Variants in RERE observed in about 807,000 individuals in gnomAD.
The protein encoded by RERE is arginine-glutamic acid dipeptide repeats protein.
A neutral mutation model predicts 146.1 loss-of-function variants in RERE; 40 were observed. The ratio of observed to expected loss-of-function variants is 0.27; its 90% confidence interval spans 0.21 to 0.36. The LOEUF (loss-of-function observed/expected upper bound fraction) is 0.36, where lower values mean the gene tolerates loss of function less well. RERE is among the 10% of genes least tolerant of loss of function. The probability of loss-of-function intolerance (pLI) is 1.00; values close to 1 mark genes in which losing one functional copy is unlikely to be tolerated. For missense variants in RERE, 1,933 were observed against 2,138.7 expected (o/e 0.90, Z 1.90); for synonymous variants, 1,003 against 866.0 (o/e 1.16, Z -2.78).
chr1:8,473,934 C>T (rs966633784), intron 10 of RERE, among the ~76,000 whole-genome samples: 1 of 152,218 alleles, frequency 6.6e-6, no homozygotes, highest in African/African-American at 2.4e-5. Flanking sequence ...ATAGAGCCAA[C>T]AATGCCGGTA....
chr1:8,558,681 A>G (rs1258045396), intron 4 of RERE, among the ~76,000 whole-genome samples: 2 of 152,220 alleles, frequency 1.3e-5, no homozygotes. Context: ...GAAGGTTCCA[A>G]AAAACCTTTG....
intron 10 of RERE, among the ~76,000 whole-genome samples, chr1:8,478,097 CCAATCTAATAACAGGTCT>C (rs1644778192): frequency 1.3e-5 from 2 of 152,184 alleles, no homozygotes; most frequent in Admixed American, 1.3e-4. Flanking sequence ...TCTAGCTTTC[CCAATCTAATAACAGGTCT>C]CAAAAGAAAA....
intron 12 of RERE, among the ~76,000 whole-genome samples, chr1:8,396,680 A>G (rs1482230967): frequency 6.6e-6 from 1 of 152,270 alleles, no homozygotes; most frequent in African/African-American, 2.4e-5. Context: ...TAAAATTCAC[A>G]TAACATAAAA....
chr1:8,734,523 G>A (rs1053550863), intron 1 of RERE, among the ~76,000 whole-genome samples: 2 of 152,178 alleles, frequency 1.3e-5, no homozygotes, highest in African/African-American at 4.8e-5. Flanking sequence ...TCATGAGGCA[G>A]CACAAGGGGT....
chr1:8,464,412 G>A (rs955355964), intron 11 of RERE, among the ~76,000 whole-genome samples: 2 of 152,090 alleles, frequency 1.3e-5, no homozygotes, highest in African/African-American at 2.4e-5. Flanking sequence ...ACACCACCCA[G>A]CCACCAGTCC....
chr1:8,448,181 T>C (rs1011691204), intron 11 of RERE, among the ~76,000 whole-genome samples: 1 of 152,142 alleles, frequency 6.6e-6, no homozygotes, highest in Non-Finnish European at 1.5e-5. Context: ...ATTTAATAAA[T>C]GTTTCTTCGA....
intron 11 of RERE, chr1:8,425,162 A>G (rs1643992706): frequency 6.6e-6 from 1 of 152,228 alleles, no homozygotes; most frequent in Admixed American, 6.5e-5. Context: ...TGAGGACCTC[A>G]ACTACTGGCA....
At chr1:8,795,976 C>G (rs1641462948) in intron 1 of RERE, among the ~76,000 whole-genome samples, 1 of 135,794 alleles carries the variant, frequency 7.4e-6, no homozygotes, top group Admixed American at 7.6e-5. Context: ...GAACGAAACT[C>G]CGTCTCAAAA....
chr1:8,449,827 C>G (rs967134287), intron 11 of RERE, among the ~76,000 whole-genome samples: 3 of 152,150 alleles, frequency 2.0e-5, no homozygotes, highest in Non-Finnish European at 4.4e-5. Context: ...AAATATAGAT[C>G]ACTCTTGACT....
In RERE at chr1:8,633,454, GACAC is replaced by G. The variant is rs375248484; in HGVS notation, c.326-9078_326-9075del. 3.5e-4 allele frequency among the ~76,000 whole-genome samples: 53 copies of G among 150,580 alleles called. No individual in the cohort carries two copies. The East Asian group carries it at 5.7e-3, about 16-fold the overall frequency. On this transcript the variant is annotated intron_variant, in intron 2 of 22. Coordinates refer to ENST00000400908, the MANE Select transcript of RERE (RefSeq NM_001042681.2). ...ACGCACGTGCGCACGCACACACACA[GACAC>G]ACACACACACACACACACAAAAATG...
At chr1:8,408,448 T>C (rs1643515337) in intron 12 of RERE, among the ~76,000 whole-genome samples, 1 of 151,952 alleles carries the variant, frequency 6.6e-6, no homozygotes, top group South Asian at 2.1e-4. Context: ...CAACCAAAAT[T>C]TGTAAGAGGT....
At position 8,784,605 on chromosome 1, in the gene RERE, TCA is replaced by T. The variant is rs1410707416; in HGVS notation, c.-145+32553_-145+32554del. On this transcript the variant is annotated intron_variant, in intron 1 of 22. Coordinates refer to ENST00000400908, the MANE Select transcript of RERE (RefSeq NM_001042681.2). ...ATATGTCTTTTTCTGGAAACAGAAT[TCA>T]CAGTTTTTATCAGATTAATGAAGTG... Among the ~76,000 whole-genome samples the T allele has an allele frequency of 2.6e-5, 4 of 152,286 alleles. No individual in the cohort carries two copies. In the South Asian group the frequency reaches 6.2e-4, roughly 24 times the overall value.
At chr1:8,456,310 T>C (rs1644452652) in intron 11 of RERE, among the ~76,000 whole-genome samples, 1 of 152,220 alleles carries the variant, frequency 6.6e-6, no homozygotes, top group Non-Finnish European at 1.5e-5. Context: ...GAGTAATGAC[T>C]GCTCCAAGAT....
Position 8,360,348 on chromosome 1 carries a change from G to C in RERE, c.3159C>G (p.Pro1053=). Reference sequence around the variant, plus strand: ...GTCCCGCCGGTGGGGTAGAGGTGGAGGGGCAGGTCGGAGGGGTGATGGGAG... The same window carrying C: ...GTCCCGCCGGTGGGGTAGAGGTGGACGGGCAGGTCGGAGGGGTGATGGGAG... ...GPPPITPPTC[P]STSTPPAGPG... Residue 1053 remains proline, a synonymous_variant, in exon 18 of 23, where the codon CCC becomes CCG. Coordinates refer to ENST00000400908, the MANE Select transcript of RERE (RefSeq NM_001042681.2). 6.7e-7 allele frequency: 1 copy of C among 1,500,878 alleles called. No homozygotes were observed. Among genetic ancestry groups the C allele is most frequent in the South Asian group, 1.3e-5 (1 of 77,426 alleles). 93.0% of individuals were successfully genotyped at this position (1,500,878 alleles called of 1,614,324 possible). A position where few individuals can be genotyped will look rare whatever the true frequency, so the allele number is the denominator to read the frequency against.
chr1:8,562,065 A>C (rs1646085208), intron 4 of RERE, among the ~76,000 whole-genome samples: 1 of 152,232 alleles, frequency 6.6e-6, no homozygotes, highest in Non-Finnish European at 1.5e-5. Flanking sequence ...TGTGAGGATT[A>C]AATAAATTAA....
At chr1:8,513,545 G>A (rs1184711305) in intron 7 of RERE, among the ~76,000 whole-genome samples, 1 of 152,138 alleles carries the variant, frequency 6.6e-6, no homozygotes, top group African/African-American at 2.4e-5. Flanking sequence ...CTGGGGGGCC[G>A]AGGTGGGAGG....
chr1:8,479,679 G>A lies in RERE; in HGVS notation c.1105-13656C>T, dbSNP rs778652004. Among the ~76,000 whole-genome samples, 9 of 152,326 alleles carry A rather than the reference G, an allele frequency of 5.9e-5. No homozygotes were observed. In the South Asian group the frequency reaches 6.2e-4, roughly 11 times the overall value. On this transcript the variant is annotated intron_variant, in intron 10 of 22. Coordinates refer to ENST00000400908, the MANE Select transcript of RERE (RefSeq NM_001042681.2). ...ACAGCCACCAGTAGCTACAAGAGGC[G>A]AAGAGTGGGCTCTGCCAGGAGGAGC...
intron 4 of RERE, among the ~76,000 whole-genome samples, chr1:8,568,025 G>A (rs1032140564): frequency 2.6e-5 from 4 of 152,210 alleles, no homozygotes; most frequent in Non-Finnish European, 4.4e-5. Context: ...GGGTGTGTCT[G>A]TACAGGTGTT....
At chr1:8,445,209 G>A (rs1644301933) in intron 11 of RERE, among the ~76,000 whole-genome samples, 1 of 152,180 alleles carries the variant, frequency 6.6e-6, no homozygotes, top group Non-Finnish European at 1.5e-5. Context: ...CCACATCTCA[G>A]CTATATTTAG....
Sources: gnomAD v4.1 joint callset for allele counts (sites outside exome capture counted in the v4.1 genomes callset) on GRCh38, gnomAD v4.1.1 for gene constraint, MANE v1.5 for transcripts, NCBI Gene and HGNC (gene_info 2026-07-23, HGNC 2026-07-21) for gene names.